LDB2: variants seen among roughly 807,000 people sequenced by gnomAD.
LDB2 encodes LIM domain binding 2.
A neutral mutation model predicts 44.3 loss-of-function variants in LDB2; 12 were observed. The ratio of observed to expected loss-of-function variants is 0.27; its 90% CI spans 0.17 to 0.44. The LOEUF is 0.44. LDB2 is among the 20% of genes least tolerant of loss of function. The pLI is 1.00. For missense variants in LDB2, 344 were observed against 473.5 expected (o/e 0.73, Z 2.54); for synonymous variants, 164 against 174.8 (o/e 0.94, Z 0.49).
At chr4:16,673,842 C>G (rs2152561071) in intron 2 of LDB2, among the ~76,000 whole-genome samples, 1 of 152,294 alleles carries the variant, frequency 6.6e-6, no homozygotes, top group East Asian at 1.9e-4. Context: ...ATGGGCTACC[C>G]TGCTCTGAGA....
intron 2 of LDB2, among the ~76,000 whole-genome samples, chr4:16,650,654 G>C (rs998437299): frequency 5.9e-5 from 9 of 152,236 alleles, no homozygotes; most frequent in Admixed American, 5.2e-4. Context: ...GCAATAGTTG[G>C]TATCTTCCTT....
At chr4:16,855,942 G>A (rs1789275037) in intron 1 of LDB2, among the ~76,000 whole-genome samples, 1 of 152,100 alleles carries the variant, frequency 6.6e-6, no homozygotes, top group African/African-American at 2.4e-5. Flanking sequence ...CCACTGCTAT[G>A]GTTTCAGATT....
At chr4:16,620,747 C>G (rs1728650322) in intron 2 of LDB2, among the ~76,000 whole-genome samples, 1 of 152,186 alleles carries the variant, frequency 6.6e-6, no homozygotes, top group Non-Finnish European at 1.5e-5. Context: ...TTCTACTCAG[C>G]TTCTCCAAGG....
intron 2 of LDB2, among the ~76,000 whole-genome samples, chr4:16,731,666 T>C (rs1183282835): frequency 2.0e-5 from 3 of 152,320 alleles, no homozygotes; most frequent in Admixed American, 6.5e-5. Context: ...TAAATGTCTA[T>C]TGTTTAAGCC....
chr4:16,656,734 G>A (rs571401315), intron 2 of LDB2, among the ~76,000 whole-genome samples: 26 of 152,200 alleles, frequency 1.7e-4, no homozygotes, highest in Admixed American at 1.5e-3. Context: ...TTTAGTCCCC[G>A]TAAACAGATT....
In LDB2 at chr4:16,674,436, A is replaced by T. The variant is rs1199078783; in HGVS notation, c.236-78561T>A. 9.3e-6 allele frequency: 4 copies of T among 428,968 alleles called. No homozygotes were observed. The East Asian group carries it at 2.1e-4, about 23-fold the overall frequency. 26.6% of individuals were successfully genotyped at this position (428,968 alleles called of 1,614,324 possible). A position where few individuals can be genotyped will look rare whatever the true frequency, so the allele number is the denominator to read the frequency against. On this transcript the variant is annotated intron_variant, in intron 2 of 7. Transcript: ENST00000304523. ...CAGTGATAATTCAGGAGCACCCATC[A>T]TTCATTGAGTGTCCACGTATTGGGC...
chr4:16,732,773 G>A (rs1293163225), intron 2 of LDB2, among the ~76,000 whole-genome samples: 1 of 152,186 alleles, frequency 6.6e-6, no homozygotes. Context: ...CCAAGAAGAG[G>A]GAAAGAAAAT....
chr4:16,884,035 A>G (rs1474569051), intron 1 of LDB2, among the ~76,000 whole-genome samples: 2 of 152,194 alleles, frequency 1.3e-5, no homozygotes, highest in Non-Finnish European at 2.9e-5. Flanking sequence ...TCTTCCTCTC[A>G]GCAGACAGAT....
chr4:16,821,387 A>ATTTT (rs140227606), intron 1 of LDB2, among the ~76,000 whole-genome samples: 1 of 130,696 alleles, frequency 7.7e-6, no homozygotes. Context: ...TTTTTTTTTT[A>ATTTT]TTTTTTTTTT....
At chr4:16,773,525 A>G (rs997464608) in intron 1 of LDB2, among the ~76,000 whole-genome samples, 60 of 152,168 alleles carry the variant, frequency 3.9e-4, no homozygotes, top group Admixed American at 3.3e-4. Context: ...ACAGTTCACA[A>G]TAGGGTTTGT....
intron 2 of LDB2, among the ~76,000 whole-genome samples, chr4:16,751,300 G>T (rs745524199): frequency 2.6e-5 from 4 of 152,148 alleles, no homozygotes; most frequent in East Asian, 1.9e-4. Context: ...TATCTGAAAC[G>T]TTAATTATAA....
At chr4:16,813,637 C>CA (rs1780327446) in intron 1 of LDB2, among the ~76,000 whole-genome samples, 1 of 152,072 alleles carries the variant, frequency 6.6e-6, no homozygotes, top group South Asian at 2.1e-4. Context: ...ACAGTCCCCC[C>CA]AACTGTCTGG....
intron 1 of LDB2, among the ~76,000 whole-genome samples, chr4:16,820,762 CAG>C (rs1046155611): frequency 7.9e-4 from 120 of 151,956 alleles, no homozygotes; most frequent in African/African-American, 2.7e-3. Context: ...GAAAAAAAAA[CAG>C]AGAACAGAAG....
intron 2 of LDB2, among the ~76,000 whole-genome samples, chr4:16,730,491 T>G (rs16893896): frequency 0.068 from 10,368 of 152,212 alleles, 576 homozygotes; most frequent in Admixed American, 0.16. Context: ...AGATTACAGA[T>G]TTTTAAAAAA....
Position 16,832,194 on chromosome 4 carries a change from C to A in LDB2, c.132+66160G>T, listed in dbSNP as rs374444531. 5.9e-4 allele frequency among the ~76,000 whole-genome samples: 90 copies of A among 152,326 alleles called. No individual in the cohort carries two copies. In the South Asian group the frequency reaches 6.2e-3, roughly 11 times the overall value. On this transcript the variant is annotated intron_variant, in intron 1 of 7. Transcript: ENST00000304523. ...TATGTTCTGGGTATTGTGGAAGGCA[C>A]TTTACACATATCATGTTCTCTCATC...
chr4:16,581,902 A>G (rs1250820570), intron 5 of LDB2, among the ~76,000 whole-genome samples: 1 of 151,792 alleles, frequency 6.6e-6, no homozygotes, highest in African/African-American at 2.4e-5. Flanking sequence ...AAAGAAAAAA[A>G]AAAGAAAGAC....
intron 5 of LDB2, among the ~76,000 whole-genome samples, chr4:16,573,987 C>T (rs1182421004): frequency 6.6e-6 from 1 of 152,204 alleles, no homozygotes; most frequent in East Asian, 1.9e-4. Flanking sequence ...ATGCTGACTT[C>T]AGCCACACTC....
intron 2 of LDB2, among the ~76,000 whole-genome samples, chr4:16,640,421 G>C (rs929444503): frequency 1.3e-5 from 2 of 152,144 alleles, no homozygotes; most frequent in African/African-American, 2.4e-5. Context: ...TATTAGAGAG[G>C]CTTCAGGAAC....
chr4:16,841,754 G>T (rs1785934778), intron 1 of LDB2, among the ~76,000 whole-genome samples: 2 of 152,140 alleles, frequency 1.3e-5, no homozygotes, highest in South Asian at 4.1e-4. Context: ...ATTTACCTTG[G>T]AACTGAACAA....
Sources: allele counts gnomAD v4.1 joint callset (sites outside exome capture counted in the v4.1 genomes callset), GRCh38; gene constraint gnomAD v4.1.1; transcripts MANE v1.5; gene names NCBI Gene and HGNC (gene_info 2026-07-23, HGNC 2026-07-21).